HEATR4: variants seen among roughly 807,000 people sequenced by gnomAD.
HEATR4 encodes the protein HEAT repeat containing 4.
A neutral mutation model predicts 108.8 loss-of-function variants in HEATR4; 95 were observed. That is an observed-to-expected ratio of 0.87 (90% CI 0.74 to 1.04). The LOEUF (loss-of-function observed/expected upper bound fraction) is 1.04. Ranked by LOEUF, HEATR4 falls within the 50% of genes least tolerant of loss-of-function variation. The probability of loss-of-function intolerance (pLI) is 0.00; values close to 1 mark genes in which losing one functional copy is unlikely to be tolerated. For synonymous variants in HEATR4, 443 were observed against 459.4 expected (o/e 0.96, Z 0.46); for missense variants, 1,152 against 1,253.8 (o/e 0.92, Z 1.23).
At chr14:73,536,446 T>C (rs1415640210) in intron 1 of HEATR4, among the ~76,000 whole-genome samples, 1 of 103,962 alleles carries the variant, frequency 9.6e-6, no homozygotes, top group African/African-American at 3.2e-5. Flanking sequence ...AGTTTGAGGC[T>C]TGTAAGTGCG....
chr14:73,493,156 G>T (rs1374794348), intron 16 of HEATR4, 32 bp from the exon 17 acceptor site: 2 of 1,589,566 alleles, frequency 1.3e-6, no homozygotes, highest in Non-Finnish European at 1.7e-6. Flanking sequence ...GAAGTTGGAG[G>T]TGGAAAAAAA....
In HEATR4 at chr14:73,504,198, C is replaced by T. The variant is rs113146955; in HGVS notation, c.1987-1185G>A. Among the ~76,000 whole-genome samples the T allele has an allele frequency of 8.0e-3, 1,214 of 151,364 alleles. 12 individuals carry two copies. Among genetic ancestry groups the T allele is most frequent in the African/African-American group, 0.027 (1,121 of 41,226 alleles). On this transcript the variant is annotated intron_variant, in intron 10 of 17. Transcript: ENST00000553558. ...GTTCAAGTGACTCTCCTGCCTGAGC[C>T]TCCTGAGTAGCTGGGATTATGGGCA... is the stretch of plus-strand genomic sequence containing the variant.
chr14:73,564,114 C>T, the HEATR4 span, among the ~76,000 whole-genome samples: 3 of 151,832 alleles, frequency 2.0e-5, no homozygotes, highest in East Asian at 5.8e-4. Flanking sequence ...GCCTGGCCAA[C>T]ATGGTGAAAC....
Position 73,553,513 on chromosome 14 carries a change from A to C in HEATR4, c.-152+5238T>G, listed in dbSNP as rs1363178346. Among the ~76,000 whole-genome samples, 4 of 114,620 alleles carry C rather than the reference A, an allele frequency of 3.5e-5. 1 individual carries two copies. The highest frequency in any genetic ancestry group is 1.1e-4 in the African/African-American group (4 of 35,638). The allele number at this position is 114,620 out of a possible 152,430, so 75.2% of individuals were successfully genotyped here. A position where few individuals can be genotyped will look rare whatever the true frequency, so the allele number is the denominator to read the frequency against. On this transcript the variant is annotated intron_variant, in intron 1 of 17. Coordinates refer to ENST00000553558, the MANE Select transcript of HEATR4 (RefSeq NM_001220484.1). Reference sequence around the variant, plus strand: ...GCAACTGAACAGGACTAGATCTCCAAAAAAAATTAAAATAAAAAAGTATTA... The same window carrying C: ...GCAACTGAACAGGACTAGATCTCCACAAAAAATTAAAATAAAAAAGTATTA...
the HEATR4 span, among the ~76,000 whole-genome samples, chr14:73,579,566 G>A: frequency 1.0e-5 from 1 of 95,728 alleles, no homozygotes; most frequent in Admixed American, 1.4e-4. Flanking sequence ...AAGGGCAAAA[G>A]CCGTCTCAAA....
At chr14:73,569,479 C>A in the HEATR4 span, 13 of 1,612,826 alleles carry the variant, frequency 8.1e-6, no homozygotes, top group South Asian at 7.7e-5. Flanking sequence ...TGGGACGAAC[C>A]GGTGCGAATC....
the HEATR4 span, among the ~76,000 whole-genome samples, chr14:73,618,526 A>G: frequency 6.8e-6 from 1 of 147,764 alleles, no homozygotes; most frequent in Non-Finnish European, 1.5e-5. Flanking sequence ...CCTCTCCCCT[A>G]TGTCACTTTC....
the HEATR4 span, among the ~76,000 whole-genome samples, chr14:73,615,269 C>T: frequency 6.7e-6 from 1 of 149,852 alleles, no homozygotes; most frequent in African/African-American, 2.5e-5. Context: ...CGCCTGTAAT[C>T]CCAGCTACTC....
the HEATR4 span, among the ~76,000 whole-genome samples, chr14:73,618,999 G>A: frequency 6.6e-6 from 1 of 152,052 alleles, no homozygotes; most frequent in Non-Finnish European, 1.5e-5. Flanking sequence ...GCGTGGTGGT[G>A]GGCGCCTGTA....
the HEATR4 span, among the ~76,000 whole-genome samples, chr14:73,603,181 A>T: frequency 6.6e-6 from 1 of 152,312 alleles, no homozygotes; most frequent in East Asian, 1.9e-4. Context: ...GGTTAATTCC[A>T]TATGTCCCCA....
At chr14:73,504,834 T>A (rs1448341421) in intron 10 of HEATR4, among the ~76,000 whole-genome samples, 2 of 152,200 alleles carry the variant, frequency 1.3e-5, no homozygotes, top group Non-Finnish European at 2.9e-5. Context: ...AGCTCCCATT[T>A]GGACAGCTGA....
Position 73,496,607 on chromosome 14 carries a change from C to T in HEATR4, c.2619G>A (p.Lys873=). The T allele has an allele frequency of 1.9e-6, 3 of 1,596,212 alleles. No homozygotes were observed. The highest frequency in any genetic ancestry group is 2.6e-6 in the Non-Finnish European group (3 of 1,163,786). Reference sequence around the variant, plus strand: ...AGAGCTTGCACTTATTTACCCTGTTCTTGATCTCCTGAAGCATTTCTTGGT... The same window carrying T: ...AGAGCTTGCACTTATTTACCCTGTTTTTGATCTCCTGAAGCATTTCTTGGT... ...EGNQEMLQEI[K]NRIKTLSQKD... is the part of the protein sequence containing the mutation. The change falls in exon 15 of 18, where the codon AAG becomes AAA. Residue 873 remains lysine, a synonymous_variant. Coordinates refer to ENST00000553558, the MANE Select transcript of HEATR4 (RefSeq NM_001220484.1).
the HEATR4 span, among the ~76,000 whole-genome samples, chr14:73,616,149 T>C: frequency 1.3e-5 from 2 of 152,036 alleles, no homozygotes; most frequent in Non-Finnish European, 2.9e-5. Flanking sequence ...TAAACTTTTT[T>C]GTAGAGATGG....
At chr14:73,487,564 T>C (rs1885499836) in intron 17 of HEATR4, among the ~76,000 whole-genome samples, 1 of 151,868 alleles carries the variant, frequency 6.6e-6, no homozygotes, top group Non-Finnish European at 1.5e-5. Context: ...CAAGACTCTA[T>C]CTCAAAACAA....
rs1403624798 is a variant in HEATR4, at chr14:73,523,065, T to A, written c.88A>T (p.Asn30Tyr). 5 of 1,613,778 alleles carry A rather than the reference T, an allele frequency of 3.1e-6. No homozygotes were observed. Among genetic ancestry groups the A allele is most frequent in the Non-Finnish European group, 3.4e-6 (4 of 1,180,008 alleles). Residue 30 changes from asparagine to tyrosine, a missense_variant, in exon 3 of 18, where the codon AAC becomes TAC. Transcript: ENST00000553558. The part of the protein sequence containing the change: ...PPRLGWGMIL[N>Y]YSKLKGKEEC... ...TCCTTGCCTTTCAATTTTGAGTAGTTTAAAATCATGCCCCATCCCAGTCGT... is the reference window on the plus strand; with the variant it reads ...TCCTTGCCTTTCAATTTTGAGTAGTATAAAATCATGCCCCATCCCAGTCGT...
intron 11 of HEATR4, among the ~76,000 whole-genome samples, chr14:73,502,195 C>T (rs889727865): frequency 3.9e-5 from 6 of 151,912 alleles, no homozygotes; most frequent in Non-Finnish European, 8.8e-5. Context: ...GGCTGGGCCT[C>T]CTGTGCAGTC....
the HEATR4 span, chr14:73,617,340 C>A: frequency 3.6e-6 from 4 of 1,104,244 alleles, no homozygotes; most frequent in South Asian, 1.3e-5. Flanking sequence ...GGAAGCTGGG[C>A]ATGGTGATGT....
chr14:73,509,297 CAG>C lies in HEATR4; in HGVS notation c.1720+13_1720+14del, dbSNP rs1239392437. The C allele has an allele frequency of 3.1e-6, 5 of 1,611,726 alleles. No homozygotes were observed. In the East Asian group the frequency reaches 6.7e-5, roughly 22 times the overall value. On this transcript the variant is annotated intron_variant, in intron 8 of 17. Coordinates refer to ENST00000553558, the MANE Select transcript of HEATR4 (RefSeq NM_001220484.1). ...TCCCATATTTCCAGGTCAGAAGTAA[CAG>C]GGAGTTACTCACCCTTCAGAAGGGC... is the stretch of plus-strand genomic sequence containing the variant.
At chr14:73,591,120 G>C in the HEATR4 span, among the ~76,000 whole-genome samples, 1 of 151,904 alleles carries the variant, frequency 6.6e-6, no homozygotes, top group African/African-American at 2.4e-5. Flanking sequence ...GTGGTGCGCT[G>C]TCTGTAGTCA....
Sources: gnomAD v4.1 joint callset for allele counts (sites outside exome capture counted in the v4.1 genomes callset) on GRCh38, gnomAD v4.1.1 for gene constraint, MANE v1.5 for transcripts, NCBI Gene and HGNC (gene_info 2026-07-23, HGNC 2026-07-21) for gene names.